ENOX1: variants seen among roughly 807,000 people sequenced by gnomAD.
The protein encoded by ENOX1 is ecto-NOX disulfide-thiol exchanger 1.
A neutral mutation model predicts 82.5 loss-of-function variants in ENOX1; 42 were observed. That is an observed-to-expected ratio of 0.51 (90% confidence interval 0.40 to 0.66). ENOX1 has a LOEUF of 0.66. Ranked by LOEUF, ENOX1 falls within the 30% of genes least tolerant of loss-of-function variation. The probability of loss-of-function intolerance (pLI) is 0.00; values close to 1 mark genes in which losing one functional copy is unlikely to be tolerated. For missense variants in ENOX1, 608 were observed against 811.6 expected (o/e 0.75, Z 3.05); for synonymous variants, 271 against 282.2 (o/e 0.96, Z 0.40).
chr13:43,374,537 G>A (rs1484018752), intron 5 of ENOX1, among the ~76,000 whole-genome samples: 1 of 152,144 alleles, frequency 6.6e-6, no homozygotes, highest in Non-Finnish European at 1.5e-5. Context: ...GAGCCACTGT[G>A]CCCAGAAAGG....
At chr13:43,447,478 T>G (rs915235482) in intron 3 of ENOX1, among the ~76,000 whole-genome samples, 1 of 151,986 alleles carries the variant, frequency 6.6e-6, no homozygotes, top group South Asian at 2.1e-4. Flanking sequence ...GGGACCACAA[T>G]AGGAGAGGGG....
chr13:43,472,866 G>A (rs1323159), intron 3 of ENOX1, among the ~76,000 whole-genome samples: 148,868 of 152,298 alleles, frequency 0.98, 72,853 homozygotes, highest in East Asian at 1. Context: ...TACTATTTAC[G>A]TCTTGCCATC....
chr13:43,389,280 A>T (rs191010295), intron 5 of ENOX1, among the ~76,000 whole-genome samples: 23 of 152,342 alleles, frequency 1.5e-4, no homozygotes, highest in African/African-American at 5.5e-4. Context: ...AGAGTTATTG[A>T]TACTATTGAA....
intron 12 of ENOX1, among the ~76,000 whole-genome samples, chr13:43,277,901 C>T (rs1296786851): frequency 6.6e-6 from 1 of 152,130 alleles, no homozygotes; most frequent in African/African-American, 2.4e-5. Flanking sequence ...GTTGAGAAAA[C>T]ACAGGAAGCC....
chr13:43,336,729 A>G (rs563999561), intron 9 of ENOX1, among the ~76,000 whole-genome samples: 1 of 152,330 alleles, frequency 6.6e-6, no homozygotes, highest in Non-Finnish European at 1.5e-5. Flanking sequence ...TGGTTGACAT[A>G]AGAACTGTGG....
chr13:43,361,979 A>T (rs1407424450), intron 5 of ENOX1, among the ~76,000 whole-genome samples: 1 of 31,902 alleles, frequency 3.1e-5, no homozygotes, highest in South Asian at 1.2e-3. Context: ...CCCTGGAATA[A>T]AAAAAAAAAA....
At chr13:43,293,913 C>G (rs998816667) in intron 12 of ENOX1, among the ~76,000 whole-genome samples, 1 of 152,140 alleles carries the variant, frequency 6.6e-6, no homozygotes, top group African/African-American at 2.4e-5. Flanking sequence ...AATGCATACA[C>G]AGAAAATCAC....
chr13:43,358,433 A>C (rs7994272), intron 7 of ENOX1, among the ~76,000 whole-genome samples: 43,230 of 132,716 alleles, frequency 0.33, 6,545 homozygotes, highest in East Asian at 0.5. Context: ...AGGGTTCTGC[A>C]GGATATACAT....
At chr13:43,546,782 C>T (rs188345495) in intron 2 of ENOX1, 1 of 152,300 alleles carries the variant, frequency 6.6e-6, no homozygotes, top group East Asian at 1.9e-4. Flanking sequence ...CTTAACCATT[C>T]TCATGCATCC....
intron 8 of ENOX1, among the ~76,000 whole-genome samples, chr13:43,346,881 TTC>T (rs779113631): frequency 1.3e-5 from 2 of 152,148 alleles, no homozygotes; most frequent in Non-Finnish European, 2.9e-5. Context: ...CTTTTTTTTT[TTC>T]CTCTGAAAAG....
chr13:43,332,978 T>C (rs1056720335), intron 9 of ENOX1, among the ~76,000 whole-genome samples: 1 of 152,152 alleles, frequency 6.6e-6, no homozygotes, highest in Non-Finnish European at 1.5e-5. Context: ...GAAAATAAGG[T>C]TATGCATATA....
chr13:43,398,258 A>G (rs2053272326), intron 5 of ENOX1, among the ~76,000 whole-genome samples: 1 of 152,224 alleles, frequency 6.6e-6, no homozygotes, highest in South Asian at 2.1e-4. Context: ...CAGCTCAGCT[A>G]CTTTTATTTA....
At chr13:43,543,913 C>CTTTTTTTTTTTTTTTTTTTT (rs11324994) in intron 2 of ENOX1, 2 of 97,424 alleles carry the variant, frequency 2.1e-5, no homozygotes, top group African/African-American at 4.0e-5. Flanking sequence ...TTTTCTTTTT[C>CTTTTTTTTTTTTTTTTTTTT]TTTTTTTTTT....
intron 2 of ENOX1, among the ~76,000 whole-genome samples, chr13:43,568,345 G>T (rs2080011144): frequency 6.6e-6 from 1 of 152,180 alleles, no homozygotes; most frequent in South Asian, 2.1e-4. Context: ...AGAACACACA[G>T]TATCTGACTT....
At chr13:43,710,596 TGAA>T (rs2087624776) in intron 1 of ENOX1, among the ~76,000 whole-genome samples, 1 of 151,912 alleles carries the variant, frequency 6.6e-6, no homozygotes, top group African/African-American at 2.4e-5. Flanking sequence ...GGATAATAAT[TGAA>T]GGAGGAGAGA....
intron 2 of ENOX1, among the ~76,000 whole-genome samples, chr13:43,629,424 G>A (rs1361046249): frequency 6.6e-6 from 1 of 152,116 alleles, no homozygotes; most frequent in Non-Finnish European, 1.5e-5. Context: ...GACAACACAG[G>A]GAACTTACCA....
intron 1 of ENOX1, among the ~76,000 whole-genome samples, chr13:43,784,153 C>T (rs1952437154): frequency 6.6e-6 from 1 of 152,196 alleles, no homozygotes; most frequent in Admixed American, 6.5e-5. Flanking sequence ...CGAATAAATA[C>T]ACTGAATGTA....
At chr13:43,465,699 T>C (rs1391338706) in intron 3 of ENOX1, among the ~76,000 whole-genome samples, 2 of 152,220 alleles carry the variant, frequency 1.3e-5, no homozygotes, top group Admixed American at 1.3e-4. Context: ...TAATTGTTTC[T>C]GTGTCTGTCC....
intron 1 of ENOX1, among the ~76,000 whole-genome samples, chr13:43,720,618 T>C (rs1180639359): frequency 6.6e-6 from 1 of 152,226 alleles, no homozygotes; most frequent in East Asian, 1.9e-4. Flanking sequence ...TGTCATCATC[T>C]TGACATTTTC....
Sources: gnomAD v4.1 joint callset for allele counts (sites outside exome capture counted in the v4.1 genomes callset) on GRCh38, gnomAD v4.1.1 for gene constraint, MANE v1.5 for transcripts, NCBI Gene and HGNC (gene_info 2026-07-23, HGNC 2026-07-21) for gene names.